RBM33: variants seen among roughly 807,000 people sequenced by gnomAD.
RBM33 encodes RNA binding motif protein 33, also known as RNA-binding protein 33.
In RBM33, 28 loss-of-function variants were observed where a neutral mutation model predicts 132.6. That is an observed-to-expected ratio of 0.21 (90% CI 0.16 to 0.29). The LOEUF (loss-of-function observed/expected upper bound fraction) is 0.29. Among genes scored for constraint, RBM33 ranks in the 10% least tolerant of loss-of-function variants. The probability of loss-of-function intolerance (pLI) is 1.00; values close to 1 mark genes in which losing one functional copy is unlikely to be tolerated. For synonymous variants in RBM33, 634 were observed against 593.0 expected, an observed-to-expected ratio of 1.07 and a Z score of -1.01; for missense variants, 1,291 against 1,518.5, an observed-to-expected ratio of 0.85 and a Z score of 2.49.
chr7:155,690,215 C>T (rs1799595522), intron 5 of RBM33, among the ~76,000 whole-genome samples: 1 of 152,112 alleles, frequency 6.6e-6, no homozygotes, highest in Non-Finnish European at 1.5e-5. Context: ...ATCCCTTTAC[C>T]ATTATGTAAT....
At chr7:155,756,100 A>G (rs1478038269) in intron 14 of RBM33, among the ~76,000 whole-genome samples, 1 of 152,202 alleles carries the variant, frequency 6.6e-6, no homozygotes, top group Non-Finnish European at 1.5e-5. Flanking sequence ...ACCCTGGGAA[A>G]ATTCAGTTTC....
chr7:155,780,777 T>TCACCAC lies in RBM33; in HGVS notation c.*5736_*5737insCACCAC, dbSNP rs1802793374. The TCACCAC allele has an allele frequency of 6.6e-6, 1 of 152,536 alleles. No individual in the cohort carries two copies. The highest frequency in any genetic ancestry group is 2.1e-4 in the South Asian group (1 of 4,840). The allele number at this position is 152,536 out of a possible 1,614,324, so 9.4% of individuals were successfully genotyped here. ...GGTGCTGACGATTTTCACACTGTGTTTACCACTCCATCACCTCTCAACCTT... is the reference window on the plus strand; with the variant it reads ...GGTGCTGACGATTTTCACACTGTGTTCACCACTACCACTCCATCACCTCTCAACCTT... On this transcript the variant is annotated 3_prime_UTR_variant, in exon 18 of 18. Transcript: ENST00000401878.
intron 9 of RBM33, among the ~76,000 whole-genome samples, chr7:155,719,417 CATT>C (rs1258282529): frequency 6.6e-6 from 1 of 152,020 alleles, no homozygotes; most frequent in Non-Finnish European, 1.5e-5. Flanking sequence ...TCAAAAATAA[CATT>C]ATTGGATTTA....
chr7:155,738,428 A>C, intron 11 of RBM33, 25 bp downstream of exon 11: 3 of 1,582,630 alleles, frequency 1.9e-6, no homozygotes, highest in Non-Finnish European at 2.6e-6. Context: ...GTGAACCTCC[A>C]GGGAAAAAAT....
chr7:155,734,764 A>G (rs1801059099), intron 9 of RBM33, among the ~76,000 whole-genome samples: 1 of 152,112 alleles, frequency 6.6e-6, no homozygotes. Flanking sequence ...GATTAATTGG[A>G]AAAGGATTTT....
chr7:155,740,138 A>G, intron 12 of RBM33, 112 bp downstream of exon 12: 1 of 1,377,274 alleles, frequency 7.3e-7, no homozygotes, highest in Non-Finnish European at 9.5e-7. Context: ...ATTTCTGTTT[A>G]TAAAATGTGT....
At chr7:155,766,781 G>C in intron 16 of RBM33, 126 bp downstream of exon 16, 1 of 916,910 alleles carries the variant, frequency 1.1e-6, no homozygotes, top group South Asian at 1.5e-5. Flanking sequence ...TGGGAAGTAA[G>C]ACAAATAACC....
At chr7:155,724,255 G>A (rs1311072819) in intron 9 of RBM33, among the ~76,000 whole-genome samples, 2 of 152,144 alleles carry the variant, frequency 1.3e-5, no homozygotes. Context: ...AGTATCAAAA[G>A]CAATTCTTCT....
rs202174937 is a variant in RBM33 at position 155,739,920 on chromosome 7, C to G, written c.1943C>G (p.Pro648Arg). ...HHHHLSVPPP[P>R]LMPMSQPQFR... ...CACCACCTGTCCGTCCCGCCCCCTCCTTTGATGCCGATGTCTCAGCCACAG... is the reference window on the plus strand; with the variant it reads ...CACCACCTGTCCGTCCCGCCCCCTCGTTTGATGCCGATGTCTCAGCCACAG... Residue 648 changes from proline (P) to arginine (R), a missense_variant, in exon 12 of 18, where the codon CCT becomes CGT. Pro to Arg is a moderately radical substitution (Grantham distance 103, BLOSUM62 -2). Transcript: ENST00000401878. 284 of 1,551,636 alleles carry G rather than the reference C, an allele frequency of 1.8e-4. No homozygotes were observed. The highest frequency in any genetic ancestry group is 2.3e-4 in the Non-Finnish European group (260 of 1,147,274).
At chr7:155,720,550 G>A (rs1800592032) in intron 9 of RBM33, among the ~76,000 whole-genome samples, 3 of 152,202 alleles carry the variant, frequency 2.0e-5, no homozygotes, top group African/African-American at 2.4e-5. Flanking sequence ...TCCTGTGAAT[G>A]TAAATGTAAT....
chr7:155,708,363 G>A (rs1800176926), intron 7 of RBM33, among the ~76,000 whole-genome samples: 3 of 152,098 alleles, frequency 2.0e-5, no homozygotes, highest in East Asian at 1.9e-4. Flanking sequence ...TGTCTCCGCC[G>A]CAAACCTCCA....
At chr7:155,673,957 T>TTG (rs1799100564) in intron 3 of RBM33, among the ~76,000 whole-genome samples, 2 of 117,758 alleles carry the variant, frequency 1.7e-5, no homozygotes, top group African/African-American at 3.5e-5. Context: ...TTTTTTTTTT[T>TTG]TTTTTTTTTT....
Position 155,739,695 on chromosome 7 carries a change from T to C in RBM33, c.1738-20T>C. On this transcript the variant is annotated intron_variant, in intron 11 of 17. Coordinates refer to ENST00000401878, the MANE Select transcript of RBM33 (RefSeq NM_053043.3). ...GTAACCATTTATGAACTGTTGTTTC[T>C]CTTTCTTTGGAAATGGAAGGGGCCG... 6.5e-7 allele frequency: 1 copy of C among 1,532,168 alleles called. No individual in the cohort carries two copies. Among genetic ancestry groups the C allele is most frequent in the South Asian group, 1.2e-5 (1 of 81,026 alleles). 94.9% of individuals were successfully genotyped at this position (1,532,168 alleles called of 1,614,324 possible). A position where few individuals can be genotyped will look rare whatever the true frequency, so the allele number is the denominator to read the frequency against.
chr7:155,723,995 T>A (rs1800703252), intron 9 of RBM33, among the ~76,000 whole-genome samples: 1 of 152,190 alleles, frequency 6.6e-6, no homozygotes, highest in Admixed American at 6.5e-5. Context: ...TATAGAGACT[T>A]AAACCTCAGT....
At chr7:155,666,379 A>G (rs957680923) in intron 2 of RBM33, among the ~76,000 whole-genome samples, 2 of 152,180 alleles carry the variant, frequency 1.3e-5, no homozygotes, top group Non-Finnish European at 1.5e-5. Flanking sequence ...ATTGGTGAGG[A>G]TGGATTTCTT....
chr7:155,673,754 A>ACACG lies in RBM33; in HGVS notation c.171+840_171+841insACGC, dbSNP rs1799057959. 3.3e-5 allele frequency among the ~76,000 whole-genome samples: 2 copies of ACACG among 61,320 alleles called. 1 individual carries two copies. Among genetic ancestry groups the ACACG allele is most frequent in the African/African-American group, 1.3e-4 (2 of 15,936 alleles). 40.2% of individuals were successfully genotyped at this position (61,320 alleles called of 152,430 possible). On this transcript the variant is annotated intron_variant, in intron 3 of 17. Coordinates refer to ENST00000401878, the MANE Select transcript of RBM33 (RefSeq NM_053043.3). The stretch of plus-strand genomic sequence containing the variant: ...CATATATACATACACACGTGTATAT[A>ACACG]CGCGCGCATGCGCGCACACACACAC...
intron 16 of RBM33, among the ~76,000 whole-genome samples, chr7:155,769,829 C>T (rs1035856870): frequency 3.9e-5 from 6 of 152,124 alleles, no homozygotes; most frequent in Non-Finnish European, 7.4e-5. Context: ...TCCAGAAAAG[C>T]CCACGTCACA....
chr7:155,660,146 T>G (rs900994390), intron 1 of RBM33, among the ~76,000 whole-genome samples: 5 of 152,226 alleles, frequency 3.3e-5, no homozygotes, highest in African/African-American at 9.6e-5. Context: ...CATAGCTGAC[T>G]GACTACACCC....
At chr7:155,743,171 C>T (rs773767041) in intron 13 of RBM33, among the ~76,000 whole-genome samples, 4 of 152,138 alleles carry the variant, frequency 2.6e-5, no homozygotes, top group East Asian at 1.9e-4. Context: ...TATTAGAACA[C>T]GAGTGACTTT....
Sources: allele counts gnomAD v4.1 joint callset (sites outside exome capture counted in the v4.1 genomes callset), GRCh38; gene constraint gnomAD v4.1.1; transcripts MANE v1.5; gene names NCBI Gene and HGNC (gene_info 2026-07-23, HGNC 2026-07-21).